The following MTUS2 variants were observed in gnomAD, a reference collection of about 807,000 sequenced individuals.
MTUS2 encodes the protein microtubule-associated tumor suppressor candidate 2.
MTUS2 carries 40 observed loss-of-function variants against 114.1 expected under a neutral mutation model. That is an observed-to-expected ratio of 0.35 (90% CI 0.27 to 0.46). The LOEUF (loss-of-function observed/expected upper bound fraction) is 0.46, where lower values mean the gene tolerates loss of function less well. Among genes scored for constraint, MTUS2 ranks in the 20% least tolerant of loss-of-function variants. MTUS2 has a pLI of 1.00. For synonymous variants in MTUS2, 688 were observed against 672.0 expected, an observed-to-expected ratio of 1.02 and a Z score of -0.37; for missense variants, 1,679 against 1,705.4, an observed-to-expected ratio of 0.98 and a Z score of 0.27.
In MTUS2 at chr13:28,894,289, GGA is replaced by G. The variant is rs1282557810; in HGVS notation, c.-243+54453_-243+54454del. On this transcript the variant is annotated intron_variant, in intron 2 of 15. Coordinates refer to ENST00000612955, the MANE Select transcript of MTUS2 (RefSeq NM_001033602.4). ...AAGAAGGAGAGTTGGTGGGGGGGGG[GGA>G]GAGAGAGAGAGAGGGGGGGGGGGAG... 9.6e-3 allele frequency among the ~76,000 whole-genome samples: 113 copies of G among 11,806 alleles called. 10 individuals carry two copies. The highest frequency in any genetic ancestry group is 0.065 in the East Asian group (64 of 990). 7.7% of individuals were successfully genotyped at this position (11,806 alleles called of 152,430 possible). A position where few individuals can be genotyped will look rare whatever the true frequency, so the allele number is the denominator to read the frequency against.
intron 2 of MTUS2, among the ~76,000 whole-genome samples, chr13:28,958,177 T>C (rs967292929): frequency 6.6e-6 from 1 of 152,192 alleles, no homozygotes; most frequent in Admixed American, 6.5e-5. Context: ...TTAATTAGCA[T>C]AGTAGTTTGG....
chr13:29,236,387 C>A (rs1316360148), intron 5 of MTUS2, among the ~76,000 whole-genome samples: 3 of 151,966 alleles, frequency 2.0e-5, no homozygotes, highest in African/African-American at 7.3e-5. Flanking sequence ...AATTCTGACC[C>A]CAGTCAGTCA....
At chr13:29,176,460 A>C (rs1893776618) in intron 5 of MTUS2, among the ~76,000 whole-genome samples, 1 of 152,144 alleles carries the variant, frequency 6.6e-6, no homozygotes, top group Non-Finnish European at 1.5e-5. Flanking sequence ...CGGCTCACAG[A>C]GCCTGTCCAG....
intron 1 of MTUS2, among the ~76,000 whole-genome samples, chr13:28,827,624 G>T (rs924042174): frequency 1.1e-4 from 16 of 152,138 alleles, no homozygotes; most frequent in African/African-American, 3.1e-4. Flanking sequence ...TTTGACGTGG[G>T]TCCTTTTCTA....
chr13:29,416,689 T>C (rs1017433619), intron 8 of MTUS2, among the ~76,000 whole-genome samples: 60 of 152,192 alleles, frequency 3.9e-4, no homozygotes, highest in Admixed American at 4.6e-4. Flanking sequence ...AACTTAACTT[T>C]ATATAAAATG....
rs939442274 is a variant in MTUS2, at chr13:29,084,790, C to A, written c.2447-15983C>A. On this transcript the variant is annotated intron_variant, in intron 4 of 15. Coordinates refer to ENST00000612955, the MANE Select transcript of MTUS2 (RefSeq NM_001033602.4). ...TGACCTCAGGTGATCCACCCCCCCC[C>A]CTCACCGTTGGCCTTCCAAAGTGCT... is the stretch of plus-strand genomic sequence containing the variant. Among the ~76,000 whole-genome samples the A allele has an allele frequency of 1.6e-4, 18 of 112,946 alleles. 1 individual carries two copies. The highest frequency in any genetic ancestry group is 6.5e-4 in the East Asian group (3 of 4,644). The allele number at this position is 112,946 out of a possible 152,430, so 74.1% of individuals were successfully genotyped here. A position where few individuals can be genotyped will look rare whatever the true frequency, so the allele number is the denominator to read the frequency against.
chr13:29,033,634 A>G (rs912330138), intron 3 of MTUS2, among the ~76,000 whole-genome samples: 7 of 152,162 alleles, frequency 4.6e-5, no homozygotes, highest in Non-Finnish European at 8.8e-5. Context: ...AATCTTATCC[A>G]GTGAGTTCTT....
At chr13:28,852,117 T>C (rs1317354817) in intron 2 of MTUS2, among the ~76,000 whole-genome samples, 1 of 152,120 alleles carries the variant, frequency 6.6e-6, no homozygotes, top group Non-Finnish European at 1.5e-5. Context: ...GCAGGATTAC[T>C]CCCTCCTATT....
At chr13:29,447,711 G>A (rs781209234) in intron 9 of MTUS2, among the ~76,000 whole-genome samples, 1 of 151,160 alleles carries the variant, frequency 6.6e-6, no homozygotes, top group Non-Finnish European at 1.5e-5. Context: ...GGAATTGGGT[G>A]TGTCCCTGGA....
chr13:29,163,216 A>G (rs1181541761), intron 5 of MTUS2, among the ~76,000 whole-genome samples: 1 of 152,158 alleles, frequency 6.6e-6, no homozygotes, highest in Non-Finnish European at 1.5e-5. Flanking sequence ...CAAATCATCA[A>G]ATTTTTAAAT....
intron 5 of MTUS2, among the ~76,000 whole-genome samples, chr13:29,112,937 G>A (rs1264390908): frequency 1.3e-5 from 2 of 152,156 alleles, no homozygotes; most frequent in Non-Finnish European, 2.9e-5. Context: ...GGCAGGTAAT[G>A]GTTCTTTGAG....
intron 2 of MTUS2, among the ~76,000 whole-genome samples, chr13:28,953,881 C>T (rs1267339572): frequency 6.6e-6 from 1 of 152,100 alleles, no homozygotes; most frequent in East Asian, 1.9e-4. Flanking sequence ...GTGTCAGCAC[C>T]ATTTATTTGA....
At chr13:29,417,693 A>G (rs1020252430) in intron 8 of MTUS2, among the ~76,000 whole-genome samples, 6 of 152,040 alleles carry the variant, frequency 3.9e-5, no homozygotes, top group African/African-American at 1.4e-4. Context: ...GTCCATTTAT[A>G]TTATTCATTT....
intron 2 of MTUS2, among the ~76,000 whole-genome samples, chr13:28,857,808 A>G (rs1876730445): frequency 6.6e-6 from 1 of 152,192 alleles, no homozygotes; most frequent in African/African-American, 2.4e-5. Flanking sequence ...TTACGGGTTC[A>G]CTTCGGTATT....
At chr13:28,961,714 C>G (rs536086260) in intron 2 of MTUS2, among the ~76,000 whole-genome samples, 1 of 152,194 alleles carries the variant, frequency 6.6e-6, no homozygotes, top group East Asian at 1.9e-4. Flanking sequence ...CTTTACAAAA[C>G]TGGGATCATC....
Position 29,024,616 on chromosome 13 carries a change from C to T in MTUS2, c.-83C>T. 1 of 1,515,474 alleles carries T rather than the reference C, an allele frequency of 6.6e-7. No individual in the cohort carries two copies. Among genetic ancestry groups the T allele is most frequent in the Non-Finnish European group, 8.9e-7 (1 of 1,119,642 alleles). The allele number at this position is 1,515,474 out of a possible 1,614,324, so 93.9% of individuals were successfully genotyped here. A position where few individuals can be genotyped will look rare whatever the true frequency, so the allele number is the denominator to read the frequency against. The stretch of plus-strand genomic sequence containing the variant: ...GGAGAACAAGCAGCTTGAGAATTTC[C>T]TCTTAATCTGATTGCAGCTTGAAGG... On this transcript the variant is annotated 5_prime_UTR_variant, in exon 3 of 16. Coordinates refer to ENST00000612955, the MANE Select transcript of MTUS2 (RefSeq NM_001033602.4).
At chr13:29,115,498 T>G (rs969161472) in intron 5 of MTUS2, among the ~76,000 whole-genome samples, 1 of 152,208 alleles carries the variant, frequency 6.6e-6, no homozygotes, top group Non-Finnish European at 1.5e-5. Flanking sequence ...ATAACCAGAC[T>G]CACTAAAGAC....
intron 2 of MTUS2, among the ~76,000 whole-genome samples, chr13:28,931,107 C>T (rs562108613): frequency 2.0e-5 from 3 of 152,302 alleles, no homozygotes; most frequent in Non-Finnish European, 4.4e-5. Context: ...TGTTCCCTGG[C>T]CCTGGCCTCA....
Position 29,116,633 on chromosome 13 carries a change from G to A in MTUS2, c.2644+15663G>A, listed in dbSNP as rs140681925. ...GATAATTGTAATAATATGCCAGCCC[G>A]TCACTCTTCTTGCACTTTGGGGCCA... On this transcript the variant is annotated intron_variant, in intron 5 of 15. Coordinates refer to ENST00000612955, the MANE Select transcript of MTUS2 (RefSeq NM_001033602.4). 2.1e-4 allele frequency among the ~76,000 whole-genome samples: 32 copies of A among 152,196 alleles called. 1 individual carries two copies. In the South Asian group the frequency reaches 3.9e-3, roughly 19 times the overall value.
Sources: allele counts gnomAD v4.1 joint callset (sites outside exome capture counted in the v4.1 genomes callset), GRCh38; gene constraint gnomAD v4.1.1; transcripts MANE v1.5; gene names NCBI Gene and HGNC (gene_info 2026-07-23, HGNC 2026-07-21).